TOX: variants seen among roughly 807,000 people sequenced by gnomAD.
The protein encoded by TOX is thymocyte selection associated high mobility group box.
A neutral mutation model predicts 53.7 loss-of-function variants in TOX; 11 were observed. The observed-to-expected ratio is 0.20, with a 90% CI of 0.13 to 0.34. The LOEUF (loss-of-function observed/expected upper bound fraction) is 0.34, where lower values mean the gene tolerates loss of function less well. Ranked by LOEUF, TOX falls within the 10% of genes least tolerant of loss-of-function variation. The pLI is 1.00. For synonymous variants in TOX, 225 were observed against 245.3 expected (o/e 0.92, Z 0.77); for missense variants, 570 against 664.6 (o/e 0.86, Z 1.56).
At chr8:59,036,031 G>A (rs1015304395) in intron 1 of TOX, among the ~76,000 whole-genome samples, 1 of 152,308 alleles carries the variant, frequency 6.6e-6, no homozygotes, top group Admixed American at 6.5e-5. Flanking sequence ...GCTGGCCCAG[G>A]CACTAACTCC....
At chr8:59,063,577 C>A (rs1175076907) in intron 1 of TOX, among the ~76,000 whole-genome samples, 4 of 152,000 alleles carry the variant, frequency 2.6e-5, no homozygotes, top group African/African-American at 9.6e-5. Context: ...GTGCATGCCA[C>A]CACGCCGGGC....
At chr8:59,072,981 C>T (rs1233331056) in intron 1 of TOX, among the ~76,000 whole-genome samples, 1 of 152,088 alleles carries the variant, frequency 6.6e-6, no homozygotes, top group African/African-American at 2.4e-5. Context: ...AAATATGTGA[C>T]AGGGCAGCTA....
intron 1 of TOX, among the ~76,000 whole-genome samples, chr8:58,975,327 C>A (rs1202286843): frequency 6.6e-6 from 1 of 151,548 alleles, no homozygotes; most frequent in Non-Finnish European, 1.5e-5. Context: ...ATAAAGTCAT[C>A]GTTTCAATTT....
At chr8:59,000,640 T>G (rs1353046202) in intron 1 of TOX, among the ~76,000 whole-genome samples, 1 of 152,202 alleles carries the variant, frequency 6.6e-6, no homozygotes, top group Non-Finnish European at 1.5e-5. Flanking sequence ...GTATTATTGT[T>G]ACTCAGTAGG....
chr8:59,112,380 T>C (rs1196489293), intron 1 of TOX, among the ~76,000 whole-genome samples: 4 of 152,200 alleles, frequency 2.6e-5, no homozygotes, highest in Admixed American at 6.5e-5. Flanking sequence ...AACTCAACTG[T>C]TTTTAATCAG....
chr8:58,953,469 T>C lies in TOX; in HGVS notation c.168+6474A>G, dbSNP rs137992877. Among the ~76,000 whole-genome samples, 56 of 152,334 alleles carry C rather than the reference T, an allele frequency of 3.7e-4. No individual in the cohort carries two copies. The East Asian group carries it at 8.3e-3, about 23-fold the overall frequency. On this transcript the variant is annotated intron_variant, in intron 2 of 8. Coordinates refer to ENST00000361421, the MANE Select transcript of TOX (RefSeq NM_014729.3). ...GTAATGAAGATGTCAAGCCAAATGC[T>C]AGAGTAGTTTAACTTAATTAGGTGG...
intron 3 of TOX, among the ~76,000 whole-genome samples, chr8:58,881,942 G>A (rs906692929): frequency 6.6e-6 from 1 of 152,140 alleles, no homozygotes; most frequent in African/African-American, 2.4e-5. Context: ...TCAAAAAGGT[G>A]CAGTAACTTG....
chr8:58,856,759 T>C (rs538863628), intron 3 of TOX, among the ~76,000 whole-genome samples: 3 of 151,934 alleles, frequency 2.0e-5, no homozygotes, highest in African/African-American at 7.2e-5. Context: ...TTTTTTTTTT[T>C]TTCAAGTTCC....
At chr8:58,937,062 ATTTGCTGGAGTCGCTT>A (rs1030255163) in intron 3 of TOX, among the ~76,000 whole-genome samples, 4 of 152,120 alleles carry the variant, frequency 2.6e-5, no homozygotes, top group African/African-American at 9.7e-5. Flanking sequence ...CAACACGGGC[ATTTGCTGGAGTCGCTT>A]TTTGCTTGCA....
At chr8:58,962,431 A>C (rs1812816195) in intron 1 of TOX, among the ~76,000 whole-genome samples, 1 of 152,238 alleles carries the variant, frequency 6.6e-6, no homozygotes, top group African/African-American at 2.4e-5. Context: ...TTTACGAAAG[A>C]AGATACAAAG....
rs527665120 is a variant in TOX, at chr8:58,930,792, T to C, written c.411+8510A>G. Among the ~76,000 whole-genome samples, 122 of 152,292 alleles carry C rather than the reference T, an allele frequency of 8.0e-4. 1 individual carries two copies. Among genetic ancestry groups the C allele is most frequent in the African/African-American group, 2.9e-3 (119 of 41,556 alleles). Reference sequence around the variant, plus strand: ...CAGTCCTATGTCTTCTTTATCCAGGTTCTGTGCTGCTTTCCCCAAACTGCC... The same window carrying C: ...CAGTCCTATGTCTTCTTTATCCAGGCTCTGTGCTGCTTTCCCCAAACTGCC... On this transcript the variant is annotated intron_variant, in intron 3 of 8. Coordinates refer to ENST00000361421, the MANE Select transcript of TOX (RefSeq NM_014729.3).
intron 1 of TOX, among the ~76,000 whole-genome samples, chr8:59,099,566 T>G (rs960392899): frequency 1.3e-5 from 2 of 152,220 alleles, no homozygotes; most frequent in Non-Finnish European, 2.9e-5. Flanking sequence ...CATTTGACAT[T>G]ATAGACTTGT....
chr8:58,976,482 T>C (rs1813102627), intron 1 of TOX, among the ~76,000 whole-genome samples: 1 of 152,234 alleles, frequency 6.6e-6, no homozygotes, highest in African/African-American at 2.4e-5. Context: ...CTCAAAGTCA[T>C]CCATGAGAGT....
At chr8:58,860,463 G>A (rs1358298149) in intron 3 of TOX, among the ~76,000 whole-genome samples, 2 of 152,172 alleles carry the variant, frequency 1.3e-5, no homozygotes, top group Non-Finnish European at 2.9e-5. Context: ...GACCTTAAAT[G>A]CTTCCTTAAA....
At chr8:59,058,288 G>A (rs1051662490) in intron 1 of TOX, among the ~76,000 whole-genome samples, 1 of 152,178 alleles carries the variant, frequency 6.6e-6, no homozygotes, top group Non-Finnish European at 1.5e-5. Context: ...CTGAGCTTGG[G>A]AGACAGCACT....
At chr8:58,817,552 T>C (rs1810202004) in intron 6 of TOX, among the ~76,000 whole-genome samples, 1 of 152,234 alleles carries the variant, frequency 6.6e-6, no homozygotes, top group South Asian at 2.1e-4. Flanking sequence ...TGTACTGCAA[T>C]TCATATGCCT....
intron 3 of TOX, among the ~76,000 whole-genome samples, chr8:58,920,721 TAAAAAAAA>T (rs5891703): frequency 2.5e-5 from 2 of 81,070 alleles, no homozygotes; most frequent in East Asian, 4.1e-4. Context: ...AAAAAAACAT[TAAAAAAAA>T]AAAAAAAGAA....
At chr8:58,907,716 G>T (rs1811841720) in intron 3 of TOX, among the ~76,000 whole-genome samples, 1 of 152,204 alleles carries the variant, frequency 6.6e-6, no homozygotes, top group South Asian at 2.1e-4. Context: ...TCCTAGTCCA[G>T]TATCAGTGAG....
chr8:59,021,479 A>ATAT (rs1375026046), intron 1 of TOX, among the ~76,000 whole-genome samples: 10 of 64,726 alleles, frequency 1.5e-4, no homozygotes, highest in Middle Eastern at 6.6e-3. Flanking sequence ...AAAAAAAAAA[A>ATAT]AAATATATAT....
Sources: gnomAD v4.1 joint callset for allele counts (sites outside exome capture counted in the v4.1 genomes callset) on GRCh38, gnomAD v4.1.1 for gene constraint, MANE v1.5 for transcripts, NCBI Gene and HGNC (gene_info 2026-07-23, HGNC 2026-07-21) for gene names.